DTNB: variants seen among roughly 807,000 people sequenced by gnomAD.
The protein encoded by DTNB is dystrobrevin beta, also known as DTN-B.
In DTNB, 63 loss-of-function variants were observed where a neutral mutation model predicts 90.7. The observed-to-expected ratio is 0.69, with a 90% CI of 0.57 to 0.86. The LOEUF (loss-of-function observed/expected upper bound fraction) is 0.86, where lower values mean the gene tolerates loss of function less well. Among genes scored for constraint, DTNB ranks in the 40% least tolerant of loss-of-function variants. The probability of loss-of-function intolerance (pLI) is 0.00; values close to 1 mark genes in which losing one functional copy is unlikely to be tolerated. For missense variants in DTNB, 744 were observed against 807.1 expected, an observed-to-expected ratio of 0.92 and a Z score of 0.95; for synonymous variants, 277 against 286.7, an observed-to-expected ratio of 0.97 and a Z score of 0.34.
In DTNB at chr2:25,451,477, A is replaced by G. The variant is rs1036532760; in HGVS notation, c.1257+71T>C. The stretch of plus-strand genomic sequence containing the variant: ...TGTTCTCCTAAATTTCATGTCTACT[A>G]TTCCCTTTCCATTTGCATATTAAAG... On this transcript the variant is annotated intron_variant, in intron 12 of 20. Coordinates refer to ENST00000406818, the MANE Select transcript of DTNB (RefSeq NM_021907.5). 3 of 1,492,554 alleles carry G rather than the reference A, an allele frequency of 2.0e-6. No homozygotes were observed. The African/African-American group carries it at 4.2e-5, about 21-fold the overall frequency. The allele number at this position is 1,492,554 out of a possible 1,614,324, so 92.5% of individuals were successfully genotyped here.
intron 16 of DTNB, among the ~76,000 whole-genome samples, chr2:25,412,150 G>C (rs192321597): frequency 2.6e-5 from 4 of 152,262 alleles, no homozygotes; most frequent in African/African-American, 9.6e-5. Context: ...GTTTATGTGA[G>C]CCCTTGTGGG....
chr2:25,592,088 T>G lies in DTNB; in HGVS notation c.603+3998A>C, dbSNP rs905442886. 5.4e-5 allele frequency among the ~76,000 whole-genome samples: 8 copies of G among 148,304 alleles called. No individual in the cohort carries two copies. The East Asian group carries it at 1.6e-3, about 29-fold the overall frequency. On this transcript the variant is annotated intron_variant, in intron 6 of 20. Transcript: ENST00000406818. ...AAAAAAAAAAAAAAAAAAAAAAATA[T>G]GCCTACCCAGCTTCAACAGTTCTTA...
intron 3 of DTNB, among the ~76,000 whole-genome samples, chr2:25,629,073 A>C (rs1345876966): frequency 6.6e-6 from 1 of 152,250 alleles, no homozygotes; most frequent in Non-Finnish European, 1.5e-5. Context: ...AAAAAAGTAA[A>C]CAATACTCAA....
intron 16 of DTNB, among the ~76,000 whole-genome samples, chr2:25,418,734 G>T (rs924498063): frequency 6.6e-6 from 1 of 150,848 alleles, no homozygotes; most frequent in Non-Finnish European, 1.5e-5. Context: ...AAAATTAAAC[G>T]TTTTGTATTT....
intron 16 of DTNB, chr2:25,419,171 C>A: frequency 2.6e-6 from 1 of 383,172 alleles, no homozygotes; most frequent in South Asian, 3.7e-5. Context: ...CCCCAGCACC[C>A]TGAAAGTTGT....
chr2:25,443,577 G>A (rs2057910380), intron 12 of DTNB, among the ~76,000 whole-genome samples: 1 of 152,194 alleles, frequency 6.6e-6, no homozygotes, highest in East Asian at 1.9e-4. Context: ...CCTGGTATCA[G>A]CTAGGCTTTC....
At chr2:25,653,855 T>G (rs540111236) in intron 1 of DTNB, among the ~76,000 whole-genome samples, 5 of 152,094 alleles carry the variant, frequency 3.3e-5, no homozygotes, top group African/African-American at 1.2e-4. Flanking sequence ...GGGACTGGAG[T>G]GTGGGAAGAG....
At chr2:25,656,144 A>G (rs2082026418) in intron 1 of DTNB, among the ~76,000 whole-genome samples, 1 of 152,202 alleles carries the variant, frequency 6.6e-6, no homozygotes, top group South Asian at 2.1e-4. Context: ...CTTGTCTACA[A>G]GTCAGCTACT....
chr2:25,517,685 T>TCCC (rs2150755927), intron 9 of DTNB, among the ~76,000 whole-genome samples: 1 of 152,292 alleles, frequency 6.6e-6, no homozygotes, highest in Non-Finnish European at 1.5e-5. Flanking sequence ...CTACCAGGAA[T>TCCC]ACATACAAAA....
chr2:25,516,010 T>C (rs2075047102), intron 9 of DTNB, among the ~76,000 whole-genome samples: 2 of 152,152 alleles, frequency 1.3e-5, no homozygotes, highest in South Asian at 4.1e-4. Context: ...GTAGGCAAAA[T>C]ATCTAAATAG....
At position 25,576,864 on chromosome 2, in the gene DTNB, G is replaced by A; in HGVS notation, c.850C>T (p.His284Tyr). 1 of 1,612,964 alleles carries A rather than the reference G, an allele frequency of 6.2e-7. No individual in the cohort carries two copies. The highest frequency in any genetic ancestry group is 8.5e-7 in the Non-Finnish European group (1 of 1,179,438). ...GHAGGPHSNQ[H>Y]QMKEHSSWKS... is the part of the protein sequence containing the mutation. The stretch of plus-strand genomic sequence containing the variant: ...CAAGAGGAATGCTCCTTCATCTGGT[G>A]CTGGTTGCTGTGAGGGCCGCCGGCA... Residue 284 changes from histidine (H) to tyrosine (Y), a missense_variant, in exon 8 of 21, where the codon CAC (histidine) becomes TAC (tyrosine). By Grantham distance (83) the His-to-Tyr change is moderately conservative (BLOSUM62 2). Coordinates refer to ENST00000406818, the MANE Select transcript of DTNB (RefSeq NM_021907.5).
chr2:25,541,278 A>C (rs183203344), intron 8 of DTNB, among the ~76,000 whole-genome samples: 1 of 152,084 alleles, frequency 6.6e-6, no homozygotes, highest in African/African-American at 2.4e-5. Flanking sequence ...CAGGAGTCCA[A>C]GACCAGCCTG....
intron 4 of DTNB, among the ~76,000 whole-genome samples, chr2:25,627,786 G>C (rs1015777384): frequency 6.6e-6 from 1 of 150,730 alleles, no homozygotes; most frequent in African/African-American, 2.4e-5. Context: ...GCCCAGGCTG[G>C]AGTGCAGTGG....
Position 25,478,414 on chromosome 2 carries a change from G to A in DTNB, c.1079+4382C>T, listed in dbSNP as rs6709007. 7.9e-3 allele frequency among the ~76,000 whole-genome samples: 1,207 copies of A among 152,278 alleles called. 15 individuals carry two copies. Among genetic ancestry groups the A allele is most frequent in the African/African-American group, 0.028 (1,169 of 41,546 alleles). ...AAATTCTGGACGTGGAAATGTGTACGGGAAGGCTTGTGTGTGTGCATGTGT... is the reference window on the plus strand; with the variant it reads ...AAATTCTGGACGTGGAAATGTGTACAGGAAGGCTTGTGTGTGTGCATGTGT... On this transcript the variant is annotated intron_variant, in intron 10 of 20. Coordinates refer to ENST00000406818, the MANE Select transcript of DTNB (RefSeq NM_021907.5).
intron 15 of DTNB, chr2:25,426,512 A>C (rs1295864761): frequency 2.6e-5 from 4 of 152,250 alleles, no homozygotes; most frequent in Admixed American, 1.3e-4. Context: ...TGAGCTCCCC[A>C]GGTTCTTGGG....
chr2:25,673,059 G>T (rs954800660), intron 1 of DTNB: 29 of 152,096 alleles, frequency 1.9e-4, no homozygotes. Context: ...AGGCGAGCCG[G>T]GCTCGGGCAG....
chr2:25,479,160 C>T (rs1224341312), intron 10 of DTNB, among the ~76,000 whole-genome samples: 2 of 152,228 alleles, frequency 1.3e-5, no homozygotes, highest in Non-Finnish European at 2.9e-5. Flanking sequence ...GTTACTTCCA[C>T]AGTTCTATGA....
At chr2:25,516,598 A>G (rs983983249) in intron 9 of DTNB, among the ~76,000 whole-genome samples, 4 of 148,570 alleles carry the variant, frequency 2.7e-5, no homozygotes, top group African/African-American at 9.8e-5. Flanking sequence ...AAAATATTCA[A>G]CATACCCTTG....
chr2:25,648,844 GC>G (rs2080113216), intron 2 of DTNB, among the ~76,000 whole-genome samples: 1 of 151,980 alleles, frequency 6.6e-6, no homozygotes, highest in African/African-American at 2.4e-5. Context: ...ATGATTCCTG[GC>G]AAATTAGGAC....
Sources: allele counts gnomAD v4.1 joint callset (sites outside exome capture counted in the v4.1 genomes callset), GRCh38; gene constraint gnomAD v4.1.1; transcripts MANE v1.5; gene names NCBI Gene and HGNC (gene_info 2026-07-23, HGNC 2026-07-21).